Variants in PLEKHM2 observed in about 807,000 individuals in gnomAD.
PLEKHM2 encodes the protein pleckstrin homology domain-containing family M member 2.
PLEKHM2 carries 77 observed loss-of-function variants against 116.3 expected under a neutral mutation model. The ratio of observed to expected loss-of-function variants is 0.66; its 90% confidence interval spans 0.55 to 0.80. The LOEUF is 0.80. Among genes scored for constraint, PLEKHM2 ranks in the 30% least tolerant of loss-of-function variants. PLEKHM2 has a pLI of 0.00. For missense variants in PLEKHM2, 1,183 were observed against 1,354.9 expected (o/e 0.87, Z 1.99); for synonymous variants, 562 against 571.0 (o/e 0.98, Z 0.22).
rs1454500537 is a variant in PLEKHM2 at position 15,725,346 on chromosome 1, C to T, written c.742C>T (p.Pro248Ser). The stretch of plus-strand genomic sequence containing the variant: ...AGACCTCACAGACACGGTCAGTGGT[C>T]CCCGCTCCACAGCCTCCGACCTGAC... ...DGDLTDTVSG[P>S]RSTASDLTSS... The change falls in exon 8 of 20, where the codon CCC becomes TCC. Residue 248 changes from proline to serine, a missense_variant. By Grantham distance (74) the Pro-to-Ser change is moderately conservative. Transcript: ENST00000375799. 6.4e-7 allele frequency: 1 copy of T among 1,551,070 alleles called. No homozygotes were observed. The highest frequency in any genetic ancestry group is 1.4e-5 in the African/African-American group (1 of 73,048).
At position 15,733,942 on chromosome 1, in the gene PLEKHM2, C is replaced by T; in HGVS notation, c.*8C>T. 3 of 1,608,954 alleles carry T rather than the reference C, an allele frequency of 1.9e-6. No homozygotes were observed. The highest frequency in any genetic ancestry group is 1.1e-5 in the South Asian group (1 of 90,770). On this transcript the variant is annotated 3_prime_UTR_variant, in exon 20 of 20. Transcript: ENST00000375799. ...CGAGACCCCTGGTGCTGAGGCAGAG[C>T]TGGTTGGCGTCCCTGGTGGGCAGGA...
At chr1:15,708,440 C>T (rs9662455) in intron 1 of PLEKHM2, among the ~76,000 whole-genome samples, 1,600 of 152,010 alleles carry the variant, frequency 0.011, 28 homozygotes, top group African/African-American at 0.037. Flanking sequence ...TGGTCTCGAT[C>T]TCTTGACCTT....
chr1:15,732,816 G>C, intron 19 of PLEKHM2, 88 bp downstream of exon 19: 1 of 904,048 alleles, frequency 1.1e-6, no homozygotes, highest in South Asian at 1.6e-5. Flanking sequence ...CTGCTCCCAG[G>C]ACTTGGCCCT....
Position 15,719,763 on chromosome 1 carries a change from C to T in PLEKHM2, c.495C>T (p.Tyr165=). The change falls in exon 6 of 20, where the codon TAC becomes TAT. Residue 165 remains tyrosine (Y), a synonymous_variant. Coordinates refer to ENST00000375799, the MANE Select transcript of PLEKHM2 (RefSeq NM_015164.4). This position sits in a 1 kb window ranked among gnomAD's most constrained non-coding sequence, Gnocchi z 4.1. ...CCCCTTACCTAGACCTGGCCCCCTA[C>T]ATGCCCGACTACTACAAACCTCAGT... ...LDAPYLDLAP[Y]MPDYYKPQYL... 6.2e-7 allele frequency: 1 copy of T among 1,613,194 alleles called. No individual in the cohort carries two copies.
chr1:15,721,129 C>T lies in PLEKHM2; in HGVS notation c.653-200C>T. The T allele has an allele frequency of 1.8e-6, 1 of 552,526 alleles. No homozygotes were observed. The highest frequency in any genetic ancestry group is 3.0e-5 in the East Asian group (1 of 32,996). 34.2% of individuals were successfully genotyped at this position (552,526 alleles called of 1,614,324 possible). A position where few individuals can be genotyped will look rare whatever the true frequency, so the allele number is the denominator to read the frequency against. ...ACAGGTCTTTCCAGCTGGTTGGAGG[C>T]TCCTGGGCCAGCGCCTGAGCTGAGA... is the stretch of plus-strand genomic sequence containing the variant. On this transcript the variant is annotated intron_variant, in intron 6 of 19. Coordinates refer to ENST00000375799, the MANE Select transcript of PLEKHM2 (RefSeq NM_015164.4). The surrounding 1 kb of genome is among the most constrained non-coding windows in gnomAD (Gnocchi z 5.1).
chr1:15,711,092 C>CG (rs1193372121), intron 1 of PLEKHM2, among the ~76,000 whole-genome samples: 1 of 151,932 alleles, frequency 6.6e-6, no homozygotes, highest in East Asian at 1.9e-4. Flanking sequence ...CCGGGCATGA[C>CG]GGCTCACCCC....
rs375636762 is a variant in PLEKHM2, at chr1:15,695,248, C to G, written c.60+10630C>G. On this transcript the variant is annotated intron_variant, in intron 1 of 19. Transcript: ENST00000375799. ...TGCGAGTACAAGGAAGGAACTGATG[C>G]GTGCTTGAAATACACAAAAATCTCC... Among the ~76,000 whole-genome samples, 13 of 152,284 alleles carry G rather than the reference C, an allele frequency of 8.5e-5. No individual in the cohort carries two copies. The East Asian group carries it at 2.1e-3, about 25-fold the overall frequency.
chr1:15,700,841 C>T (rs775984810), intron 1 of PLEKHM2, among the ~76,000 whole-genome samples: 8 of 152,126 alleles, frequency 5.3e-5, no homozygotes, highest in East Asian at 1.9e-4. Flanking sequence ...TAGCTGGGCG[C>T]GGTGGCTCAC....
chr1:15,693,646 C>T (rs774250498), intron 1 of PLEKHM2, among the ~76,000 whole-genome samples: 2 of 152,196 alleles, frequency 1.3e-5, no homozygotes, highest in Admixed American at 6.5e-5. Flanking sequence ...GCTAACACTC[C>T]GGAGCTTCAG....
At chr1:15,709,235 A>T (rs1641281207) in intron 1 of PLEKHM2, among the ~76,000 whole-genome samples, 1 of 152,224 alleles carries the variant, frequency 6.6e-6, no homozygotes, top group African/African-American at 2.4e-5. Context: ...GTAATTTGGC[A>T]TAAAAGATGA....
In PLEKHM2 at chr1:15,719,313, G is replaced by A. The variant is rs2067954790; in HGVS notation, c.466-421G>A. On this transcript the variant is annotated intron_variant, in intron 5 of 19. Transcript: ENST00000375799. The surrounding 1 kb of genome is among the most constrained non-coding windows in gnomAD (Gnocchi z 4.1). ...AAAAAAATACAAAAGTTAGCGGGGT[G>A]TGGTGATGGGCGCCTATAATCTCAG... 1.3e-5 allele frequency among the ~76,000 whole-genome samples: 2 copies of A among 152,300 alleles called. No individual in the cohort carries two copies. Among genetic ancestry groups the A allele is most frequent in the South Asian group, 2.1e-4 (1 of 4,830 alleles).
rs2068199501 is a variant in PLEKHM2 at position 15,734,662 on chromosome 1, G to A, written c.*728G>A. On this transcript the variant is annotated 3_prime_UTR_variant, in exon 20 of 20. Transcript: ENST00000375799. ...GACATCTTCTGACTGTCCCCTGCTT[G>A]GCTGGAGCCAGGCCCTTCCCTAGAG... is the stretch of plus-strand genomic sequence containing the variant. 1 of 152,240 alleles carries A rather than the reference G, an allele frequency of 6.6e-6. No homozygotes were observed. The allele number at this position is 152,240 out of a possible 1,614,324, so 9.4% of individuals were successfully genotyped here.
intron 1 of PLEKHM2, among the ~76,000 whole-genome samples, chr1:15,687,946 G>A (rs1439557536): frequency 6.6e-6 from 1 of 152,180 alleles, no homozygotes; most frequent in Non-Finnish European, 1.5e-5. Flanking sequence ...GATCCATTGT[G>A]TATTTCTATA....
At chr1:15,733,048 G>A (rs1471417255) in intron 19 of PLEKHM2, among the ~76,000 whole-genome samples, 1 of 152,260 alleles carries the variant, frequency 6.6e-6, no homozygotes, top group Admixed American at 6.5e-5. Flanking sequence ...GGAGGTGGGT[G>A]TGGGACTCCA....
Position 15,730,665 on chromosome 1 carries a change from A to G in PLEKHM2, c.2342A>G (p.Lys781Arg). The change falls in exon 15 of 20, where the codon AAG (lysine) becomes AGG (arginine). Residue 781 changes from lysine (K) to arginine (R), a missense_variant. Coordinates refer to ENST00000375799, the MANE Select transcript of PLEKHM2 (RefSeq NM_015164.4). ...TITKEGMLHY[K>R]AGTSYLGKEH... is the part of the protein sequence containing the mutation. ...ACCAAAGAAGGCATGCTGCACTACA[A>G]GGCGGGCACCTCCTACCTGGGCAAG... 6.2e-7 allele frequency: 1 copy of G among 1,610,122 alleles called. No individual in the cohort carries two copies. The highest frequency in any genetic ancestry group is 1.1e-5 in the South Asian group (1 of 90,198).
Position 15,730,718 on chromosome 1 carries a change from C to T in PLEKHM2, c.2395C>T (p.Leu799Phe). 6.3e-7 allele frequency: 1 copy of T among 1,595,612 alleles called. No homozygotes were observed. The highest frequency in any genetic ancestry group is 8.5e-7 in the Non-Finnish European group (1 of 1,171,596). ...ACACTGGAAGACGTGCTTCGTGGTG[C>T]TCAGGTGGGAGCCCTGGCAGCTCTA... is the stretch of plus-strand genomic sequence containing the variant. ...KEHWKTCFVV[L>F]SNGILYQYPD... Residue 799 changes from leucine (L) to phenylalanine (F), a missense_variant, in exon 15 of 20, where the codon CTC becomes TTC. Leu to Phe is a conservative substitution (Grantham distance 22). Around this residue, in one of 3 missense-constraint regions of PLEKHM2, gnomAD observed 594 missense variants for 720.1 expected, o/e 0.82. Transcript: ENST00000375799.
upstream of PLEKHM2, among the ~76,000 whole-genome samples, chr1:15,682,348 G>A (rs574144059): frequency 3.4e-4 from 52 of 152,180 alleles, no homozygotes; most frequent in Middle Eastern, 3.4e-3. Flanking sequence ...CTACTGGGGA[G>A]GCTGAGACAG....
chr1:15,727,603 G>T lies in PLEKHM2; in HGVS notation c.1531G>T (p.Gly511Ter). Residue 511 changes from glycine (G) to a stop codon, truncating the protein, a stop_gained, in exon 9 of 20, where the codon GGA becomes TGA. Coordinates refer to ENST00000375799, the MANE Select transcript of PLEKHM2 (RefSeq NM_015164.4). LOFTEE classifies it high-confidence loss of function. The surrounding 1 kb of genome is among the most constrained non-coding windows in gnomAD (Gnocchi z 7.5). ...AGAAGAAGAGGGAGGAGGAGGAGAG[G>T]GACAGACGCCTCGGCCCCTAGAGGA... ...GQEEEGGGGE[G>*]QTPRPLEDTT... The T allele has an allele frequency of 6.3e-7, 1 of 1,583,822 alleles. No individual in the cohort carries two copies. Among genetic ancestry groups the T allele is most frequent in the South Asian group, 1.2e-5 (1 of 86,888 alleles).
Position 15,689,486 on chromosome 1 carries a change from G to A in PLEKHM2, c.60+4868G>A, listed in dbSNP as rs183579847. Among the ~76,000 whole-genome samples, 26 of 152,226 alleles carry A rather than the reference G, an allele frequency of 1.7e-4. No homozygotes were observed. In the East Asian group the frequency reaches 4.6e-3, roughly 27 times the overall value. On this transcript the variant is annotated intron_variant, in intron 1 of 19. Transcript: ENST00000375799. The stretch of plus-strand genomic sequence containing the variant: ...GCCATGTAGCCTAGTGGACACAAAC[G>A]CAGGCTTCAGCGGTATGCAGACTTG...
Sources: allele counts gnomAD v4.1 joint callset (sites outside exome capture counted in the v4.1 genomes callset), GRCh38; gene constraint gnomAD v4.1.1; regional missense constraint gnomAD v4.1.1; non-coding constraint Gnocchi (gnomAD v3.1); transcripts MANE v1.5; gene names NCBI Gene and HGNC (gene_info 2026-07-23, HGNC 2026-07-21).